The following DDX43 variants were observed in gnomAD, a reference collection of about 807,000 sequenced individuals.
The protein encoded by DDX43 is DEAD-box helicase 43, also known as probable ATP-dependent RNA helicase DDX43.
Under a neutral mutation model 84.9 loss-of-function variants are expected in DDX43, and 50 were observed. The ratio of observed to expected loss-of-function variants is 0.59; its 90% CI spans 0.47 to 0.75. DDX43 has a LOEUF of 0.75. Among genes scored for constraint, DDX43 ranks in the 30% least tolerant of loss-of-function variants. The pLI, the probability that DDX43 is intolerant of heterozygous loss-of-function variation, is 0.00. For synonymous variants in DDX43, 291 were observed against 266.3 expected, an observed-to-expected ratio of 1.09 and a Z score of -0.90; for missense variants, 689 against 798.6, an observed-to-expected ratio of 0.86 and a Z score of 1.65.
chr6:73,398,197 G>A (rs1051813801), intron 2 of DDX43, among the ~76,000 whole-genome samples: 1 of 152,116 alleles, frequency 6.6e-6, no homozygotes, highest in Non-Finnish European at 1.5e-5. Flanking sequence ...TTCTCAAGAA[G>A]CCACCTGAAT....
chr6:73,412,690 TGCGCGTGC>T lies in DDX43; in HGVS notation c.1368+400_1368+407del, dbSNP rs1467353667. Among the ~76,000 whole-genome samples, 46 of 114,072 alleles carry T rather than the reference TGCGCGTGC, an allele frequency of 4.0e-4. 1 individual carries two copies. Among genetic ancestry groups the T allele is most frequent in the African/African-American group, 1.1e-3 (33 of 31,378 alleles). 74.8% of individuals were successfully genotyped at this position (114,072 alleles called of 152,430 possible). A position where few individuals can be genotyped will look rare whatever the true frequency, so the allele number is the denominator to read the frequency against. On this transcript the variant is annotated intron_variant, in intron 11 of 16. Coordinates refer to ENST00000370336, the MANE Select transcript of DDX43 (RefSeq NM_018665.3). ...GTGTGCGCGCGCGCGTGTGTGTGTG[TGCGCGTGC>T]GTGCGCACGCATGTGCAAGTGATAT...
intron 10 of DDX43, among the ~76,000 whole-genome samples, chr6:73,409,631 G>C (rs1769748356): frequency 6.6e-6 from 1 of 152,188 alleles, no homozygotes; most frequent in African/African-American, 2.4e-5. Context: ...ATAAGCATTT[G>C]ATTACTGAAT....
chr6:73,407,713 C>T, intron 8 of DDX43, 98 bp downstream of exon 8: 1 of 949,420 alleles, frequency 1.1e-6, no homozygotes, highest in Non-Finnish European at 1.6e-6. Context: ...TTCAGAGAAT[C>T]CAAATGGCTC....
chr6:73,411,175 C>CAA (rs34679802), intron 10 of DDX43, among the ~76,000 whole-genome samples: 11 of 49,294 alleles, frequency 2.2e-4, no homozygotes, highest in East Asian at 1.3e-3. Context: ...GACTCCATCT[C>CAA]AAAAAAAAAA....
Position 73,409,340 on chromosome 6 carries a change from T to C in DDX43, c.1272T>C (p.Val424=), listed in dbSNP as rs931635862. 6 of 1,612,406 alleles carry C rather than the reference T, an allele frequency of 3.7e-6. No individual in the cohort carries two copies. Among genetic ancestry groups the C allele is most frequent in the Non-Finnish European group, 4.2e-6 (5 of 1,178,594 alleles). ...LLDVRPDRQT[V]MTSATWPHSV... is the part of the protein sequence containing the mutation. ...ATGTGCGCCCAGATAGGCAGACAGT[T>C]ATGACCAGGTACGTATATGCTTAAT... Residue 424 remains valine (V), a synonymous_variant, in exon 10 of 17, where the codon GTT becomes GTC. Transcript: ENST00000370336.
chr6:73,409,473 T>G, intron 10 of DDX43, 125 bp downstream of exon 10: 1 of 768,236 alleles, frequency 1.3e-6, no homozygotes, highest in South Asian at 1.7e-5. Flanking sequence ...GTGAAAGATC[T>G]CATAACATTG....
At chr6:73,402,112 A>G in intron 4 of DDX43, 122 bp downstream of exon 4, 1 of 1,252,956 alleles carries the variant, frequency 8.0e-7, no homozygotes, top group Non-Finnish European at 1.1e-6. Flanking sequence ...AAAATCTAAA[A>G]TGCTGCAATT....
chr6:73,409,171 C>A, intron 9 of DDX43, 77 bp from the exon 10 acceptor site: 2 of 1,058,350 alleles, frequency 1.9e-6, no homozygotes, highest in Non-Finnish European at 2.9e-6. Context: ...TCTTAGTGTT[C>A]TACTAATAAA....
chr6:73,405,751 C>T lies in DDX43; in HGVS notation c.723C>T (p.Cys241=). The change falls in exon 6 of 17, where the codon TGC becomes TGT. Residue 241 remains cysteine (C), a synonymous_variant. Coordinates refer to ENST00000370336, the MANE Select transcript of DDX43 (RefSeq NM_018665.3). ...AACGACCTATCCCCAATCCTACCTG[C>T]ACATTTGATGACGCCTTTCAATGTT... ...GEKRPIPNPT[C]TFDDAFQCYP... The T allele has an allele frequency of 6.2e-7, 1 of 1,614,088 alleles. No individual in the cohort carries two copies. Among genetic ancestry groups the T allele is most frequent in the Non-Finnish European group, 8.5e-7 (1 of 1,179,998 alleles).
At chr6:73,408,759 T>A (rs1449582215) in intron 9 of DDX43, among the ~76,000 whole-genome samples, 1 of 152,096 alleles carries the variant, frequency 6.6e-6, no homozygotes, top group Non-Finnish European at 1.5e-5. Context: ...TTTCATCATG[T>A]TGGCCAGGCT....
chr6:73,414,739 C>T (rs1008217944), intron 14 of DDX43, 53 bp downstream of exon 14: 5 of 1,500,086 alleles, frequency 3.3e-6, no homozygotes, highest in Non-Finnish European at 3.6e-6. Context: ...CTCCTTATTC[C>T]TCTCACAAAC....
intron 4 of DDX43, among the ~76,000 whole-genome samples, chr6:73,404,475 TC>T (rs1345943688): frequency 2.0e-5 from 3 of 152,172 alleles, no homozygotes; most frequent in Admixed American, 2.0e-4. Flanking sequence ...CATGCCAGCC[TC>T]TCAAAGTGCT....
Position 73,401,995 on chromosome 6 carries a change from G to A in DDX43, c.568+5G>A. ...GGCAAAAAACAAAGTGGGCAGGTCA[G>A]TGCTGCTTCCTAATATTTACATATA... is the stretch of plus-strand genomic sequence containing the variant. On this transcript the variant is annotated splice_donor_5th_base_variant and intron_variant, in intron 4 of 16. Coordinates refer to ENST00000370336, the MANE Select transcript of DDX43 (RefSeq NM_018665.3). The A allele has an allele frequency of 6.2e-7, 1 of 1,613,494 alleles. No individual in the cohort carries two copies. Among genetic ancestry groups the A allele is most frequent in the Non-Finnish European group, 8.5e-7 (1 of 1,179,800 alleles).
chr6:73,397,572 T>G (rs1769495598), intron 1 of DDX43, 117 bp from the exon 2 acceptor site: 1 of 807,774 alleles, frequency 1.2e-6, no homozygotes, highest in Non-Finnish European at 2.0e-6. Flanking sequence ...AAATGATTGT[T>G]GAACCCTAGG....
chr6:73,410,302 G>T (rs189117231), intron 10 of DDX43, among the ~76,000 whole-genome samples: 7 of 152,156 alleles, frequency 4.6e-5, no homozygotes, highest in Admixed American at 4.6e-4. Context: ...GAGTAGCTGG[G>T]ACTACAGGCA....
At chr6:73,402,632 T>G (rs1769598753) in intron 4 of DDX43, among the ~76,000 whole-genome samples, 1 of 152,166 alleles carries the variant, frequency 6.6e-6, no homozygotes, top group Admixed American at 6.6e-5. Flanking sequence ...CAGGCTGGAG[T>G]GCAGTGGCGT....
rs751077544 is a variant in DDX43, at chr6:73,413,988, T to G, written c.1515T>G (p.Ser505Arg). Residue 505 changes from serine (S) to arginine (R), a missense_variant, in exon 13 of 17, where the codon AGT becomes AGG. Transcript: ENST00000370336. The part of the protein sequence containing the change: ...SRKAVADHLS[S>R]DLILGNISVE... Reference sequence around the variant, plus strand: ...GCTTCAGTGCGGATCACTTATCAAGTGACCTAATACTTGGAAATATATCAG... The same window carrying G: ...GCTTCAGTGCGGATCACTTATCAAGGGACCTAATACTTGGAAATATATCAG... 23 of 1,610,710 alleles carry G rather than the reference T, an allele frequency of 1.4e-5. No individual in the cohort carries two copies. Among genetic ancestry groups the G allele is most frequent in the Middle Eastern group, 1.6e-4 (1 of 6,068 alleles).
chr6:73,404,749 AAAGTAG>A lies in DDX43; in HGVS notation c.632_637del (p.Val211_Glu212del). On this transcript the variant is annotated inframe_deletion, in exon 5 of 17. Transcript: ENST00000370336. ...GTCCACTGCCACAAGTGCCATGTCA[AAAGTAG>A]AAGCAGATAGTTGGAGGTGGGTAGT... 1 of 1,613,256 alleles carries A rather than the reference AAAGTAG, an allele frequency of 6.2e-7. No individual in the cohort carries two copies. The highest frequency in any genetic ancestry group is 2.2e-5 in the East Asian group (1 of 44,828).
intron 8 of DDX43, 139 bp downstream of exon 8, chr6:73,407,754 ATCAG>A: frequency 1.3e-6 from 1 of 786,796 alleles, no homozygotes; most frequent in South Asian, 1.7e-5. Context: ...CACTACTCTA[ATCAG>A]TCAGAGCCTG....
Sources: allele counts gnomAD v4.1 joint callset (sites outside exome capture counted in the v4.1 genomes callset), GRCh38; gene constraint gnomAD v4.1.1; transcripts MANE v1.5; gene names NCBI Gene and HGNC (gene_info 2026-07-23, HGNC 2026-07-21).